The following COL4A4 variants were observed in gnomAD, a reference collection of about 807,000 sequenced individuals.
The protein encoded by COL4A4 is collagen alpha-4(IV) chain.
In COL4A4, 105 loss-of-function variants were observed where a neutral mutation model predicts 192.9. The ratio of observed to expected loss-of-function variants is 0.54; its 90% CI spans 0.46 to 0.64. The LOEUF (loss-of-function observed/expected upper bound fraction) is 0.64, where lower values mean the gene tolerates loss of function less well. COL4A4 is among the 30% of genes least tolerant of loss of function. The pLI, the probability that COL4A4 is intolerant of heterozygous loss-of-function variation, is 0.00. For missense variants in COL4A4, 1,967 were observed against 2,169.3 expected, an observed-to-expected ratio of 0.91 and a Z score of 1.85; for synonymous variants, 762 against 769.9, an observed-to-expected ratio of 0.99 and a Z score of 0.17.
At chr2:227,018,909 GGAGA>G (rs1965450691) in intron 44 of COL4A4, among the ~76,000 whole-genome samples, 2 of 152,322 alleles carry the variant, frequency 1.3e-5, no homozygotes, top group South Asian at 4.1e-4. Flanking sequence ...CATAGTCTAT[GGAGA>G]GAGAATCTTG....
Position 227,089,610 on chromosome 2 carries a change from C to T in COL4A4, c.1459+258G>A, listed in dbSNP as rs6747048. 0.41 allele frequency among the ~76,000 whole-genome samples: 44,379 copies of T among 107,110 alleles called. 9,785 individuals carry two copies. The highest frequency in any genetic ancestry group is 0.51 in the South Asian group (1,574 of 3,062). 70.3% of individuals were successfully genotyped at this position (107,110 alleles called of 152,430 possible). A position where few individuals can be genotyped will look rare whatever the true frequency, so the allele number is the denominator to read the frequency against. ...TTCCATATATATATATATATATATACATACATATATATAAATATATAAGAC... is the reference window on the plus strand; with the variant it reads ...TTCCATATATATATATATATATATATATACATATATATAAATATATAAGAC... On this transcript the variant is annotated intron_variant, in intron 21 of 47. Transcript: ENST00000396625.
intron 5 of COL4A4, 132 bp downstream of exon 5, chr2:227,120,882 T>G: frequency 3.2e-5 from 39 of 1,205,554 alleles, no homozygotes; most frequent in Non-Finnish European, 4.4e-5. Context: ...AAGGCTGCAG[T>G]GAGCTGAGAT....
In COL4A4 at chr2:227,013,763, C is replaced by T. The variant is rs116499822; in HGVS notation, c.4217-1466G>A. Reference sequence around the variant, plus strand: ...TCAAACATTAAATCAAAGGGGCTTGCTTAAGTGGCTTTCACTGTTGCTTCT... The same window carrying T: ...TCAAACATTAAATCAAAGGGGCTTGTTTAAGTGGCTTTCACTGTTGCTTCT... On this transcript the variant is annotated intron_variant, in intron 44 of 47. Transcript: ENST00000396625. Among the ~76,000 whole-genome samples, 828 of 152,268 alleles carry T rather than the reference C, an allele frequency of 5.4e-3. 9 individuals carry two copies. The highest frequency in any genetic ancestry group is 0.019 in the African/African-American group (798 of 41,558).
the COL4A4 span, among the ~76,000 whole-genome samples, chr2:226,970,046 C>A: frequency 7.6e-6 from 1 of 130,820 alleles, no homozygotes; most frequent in Non-Finnish European, 1.5e-5. Context: ...CTGGTCACAT[C>A]GTCATCCCAG....
chr2:227,064,110 T>C (rs2058145055), intron 25 of COL4A4, among the ~76,000 whole-genome samples: 1 of 152,178 alleles, frequency 6.6e-6, no homozygotes, highest in Admixed American at 6.5e-5. Flanking sequence ...TGTGACATTC[T>C]GCCACAGAAA....
At chr2:227,073,009 C>T (rs1218601317) in intron 25 of COL4A4, among the ~76,000 whole-genome samples, 2 of 152,044 alleles carry the variant, frequency 1.3e-5, no homozygotes, top group African/African-American at 2.4e-5. Context: ...CCACTTTCAC[C>T]ACTCCTATTC....
chr2:227,051,561 T>C (rs1221403263), intron 32 of COL4A4, among the ~76,000 whole-genome samples: 2 of 152,182 alleles, frequency 1.3e-5, no homozygotes, highest in Non-Finnish European at 2.9e-5. Context: ...CTGCAATGTT[T>C]CTGTGGACCA....
chr2:227,010,722 G>A (rs1466550848), intron 45 of COL4A4, among the ~76,000 whole-genome samples: 1 of 152,190 alleles, frequency 6.6e-6, no homozygotes, highest in African/African-American at 2.4e-5. Context: ...AGATGCCTGG[G>A]CTACATTAGC....
intron 30 of COL4A4, among the ~76,000 whole-genome samples, chr2:227,054,959 T>G (rs1974973888): frequency 6.6e-6 from 1 of 151,986 alleles, no homozygotes; most frequent in Non-Finnish European, 1.5e-5. Flanking sequence ...TTGGCTAATT[T>G]TTGTATTTTT....
rs1964029688 is a variant in COL4A4 at position 227,012,686 on chromosome 2, C to A, written c.4217-389G>T. Among the ~76,000 whole-genome samples, 3 of 149,146 alleles carry A rather than the reference C, an allele frequency of 2.0e-5. No individual in the cohort carries two copies. In the South Asian group the frequency reaches 6.4e-4, roughly 32 times the overall value. ...GTATGGCATTTATAATAAATATTTTCCTTAATAATGATTGTTTCAAAGCCT... is the reference window on the plus strand; with the variant it reads ...GTATGGCATTTATAATAAATATTTTACTTAATAATGATTGTTTCAAAGCCT... On this transcript the variant is annotated intron_variant, in intron 44 of 47. Transcript: ENST00000396625.
At position 227,101,824 on chromosome 2, in the gene COL4A4, A is replaced by T. The variant is rs929286348; in HGVS notation, c.975+41T>A. On this transcript the variant is annotated intron_variant, in intron 16 of 47. Coordinates refer to ENST00000396625, the MANE Select transcript of COL4A4 (RefSeq NM_000092.5). ...TGAATTATACTAAATTGCATTTACT[A>T]ATGAAATGTATTTATTATCTCTATA... 2.8e-6 allele frequency: 4 copies of T among 1,431,758 alleles called. No homozygotes were observed. The South Asian group carries it at 4.9e-5, about 17-fold the overall frequency. The allele number at this position is 1,431,758 out of a possible 1,614,324, so 88.7% of individuals were successfully genotyped here.
At chr2:226,975,872 T>C in the COL4A4 span, among the ~76,000 whole-genome samples, 1 of 152,144 alleles carries the variant, frequency 6.6e-6, no homozygotes, top group African/African-American at 2.4e-5. Context: ...CAAGATTACC[T>C]TGTCCCTCTG....
intron 22 of COL4A4, among the ~76,000 whole-genome samples, chr2:227,083,902 A>G (rs142649448): frequency 5.5e-4 from 84 of 152,338 alleles, no homozygotes; most frequent in African/African-American, 2.0e-3. Flanking sequence ...AGGCAGTAAC[A>G]GTGAAGAGGA....
At chr2:227,095,224 T>C (rs1255881345) in intron 19 of COL4A4, among the ~76,000 whole-genome samples, 4 of 152,202 alleles carry the variant, frequency 2.6e-5, no homozygotes, top group Non-Finnish European at 5.9e-5. Flanking sequence ...ATAAACATAT[T>C]AGCATACTTA....
chr2:227,137,342 G>A (rs960494945), intron 4 of COL4A4, among the ~76,000 whole-genome samples: 1 of 152,220 alleles, frequency 6.6e-6, no homozygotes, highest in Non-Finnish European at 1.5e-5. Context: ...CTACAACCCA[G>A]CAGTTGGTAC....
At position 227,033,453 on chromosome 2, in the gene COL4A4, G is replaced by A; in HGVS notation, c.3534C>T (p.Gly1178=). 6.2e-7 allele frequency: 1 copy of A among 1,613,542 alleles called. No homozygotes were observed. ...KGPSGSPGLN[G]LHGLKGQKGT... ...CTTTCTGACCTTTCAATCCATGCAA[G>A]CCGTTCAGGCCAGGTGATCCGGAGG... Residue 1178 remains glycine (G), a synonymous_variant, in exon 38 of 48, where the codon GGC becomes GGT. Coordinates refer to ENST00000396625, the MANE Select transcript of COL4A4 (RefSeq NM_000092.5).
intron 35 of COL4A4, among the ~76,000 whole-genome samples, chr2:227,044,585 A>G (rs1972064285): frequency 6.6e-6 from 1 of 151,438 alleles, no homozygotes; most frequent in Admixed American, 6.6e-5. Context: ...AAGTAGCATT[A>G]TTCTCATCTA....
chr2:227,040,968 G>T (rs1208861731), intron 37 of COL4A4, among the ~76,000 whole-genome samples: 1 of 151,940 alleles, frequency 6.6e-6, no homozygotes, highest in Non-Finnish European at 1.5e-5. Flanking sequence ...ATATTATATT[G>T]TATTGTATTA....
intron 43 of COL4A4, among the ~76,000 whole-genome samples, chr2:227,024,465 G>A (rs1966623198): frequency 6.6e-6 from 1 of 152,006 alleles, no homozygotes. Context: ...TCGCCAGCCT[G>A]GGCAGCAGAG....
Sources: allele counts gnomAD v4.1 joint callset (sites outside exome capture counted in the v4.1 genomes callset), GRCh38; gene constraint gnomAD v4.1.1; transcripts MANE v1.5; gene names NCBI Gene and HGNC (gene_info 2026-07-23, HGNC 2026-07-21).